The following LIMCH1 variants were observed in gnomAD, a reference collection of about 807,000 sequenced individuals.
LIMCH1 encodes the protein LIM and calponin homology domains-containing protein 1.
Under a neutral mutation model 176.5 loss-of-function variants are expected in LIMCH1, and 113 were observed. The observed-to-expected ratio is 0.64, with a 90% CI of 0.55 to 0.75. LIMCH1 has a LOEUF of 0.75. Among genes scored for constraint, LIMCH1 ranks in the 30% least tolerant of loss-of-function variants. LIMCH1 has a pLI of 0.00. For synonymous variants in LIMCH1, 619 were observed against 645.9 expected (o/e 0.96, Z 0.63); for missense variants, 1,674 against 1,814.9 (o/e 0.92, Z 1.41).
At position 41,627,012 on chromosome 4, in the gene LIMCH1, T is replaced by G. The variant is rs747179864; in HGVS notation, c.1028+2T>G. ...AAAAAGAAGTCTAGAATATAAAAGG[T>G]GTGCATGGTGTGTGTGTGTGTGTGT... is the stretch of plus-strand genomic sequence containing the variant. On this transcript the variant is annotated splice_donor_variant, in intron 8 of 31. Transcript: ENST00000503057. LOFTEE classifies it high-confidence loss of function. 2 of 1,493,230 alleles carry G rather than the reference T, an allele frequency of 1.3e-6. No individual in the cohort carries two copies. Among genetic ancestry groups the G allele is most frequent in the South Asian group, 2.4e-5 (2 of 82,542 alleles). The allele number at this position is 1,493,230 out of a possible 1,614,324, so 92.5% of individuals were successfully genotyped here.
intron 1 of LIMCH1, among the ~76,000 whole-genome samples, chr4:41,426,048 G>A (rs2061056150): frequency 7.4e-6 from 1 of 135,370 alleles, no homozygotes; most frequent in African/African-American, 2.8e-5. Context: ...TTGAGACGGA[G>A]TCTCGCTCTG....
rs534274251 is a variant in LIMCH1 at position 41,630,262 on chromosome 4, G to T, written c.1271+528G>T. Among the ~76,000 whole-genome samples the T allele has an allele frequency of 9.2e-5, 14 of 152,232 alleles. No homozygotes were observed. In the South Asian group the frequency reaches 1.7e-3, roughly 18 times the overall value. The stretch of plus-strand genomic sequence containing the variant: ...ATTACAGGCATGAGCCACCGTGCAA[G>T]CCCCTTGTATCATTTTTTATTTTGA... On this transcript the variant is annotated intron_variant, in intron 9 of 31. Coordinates refer to ENST00000503057, the MANE Select transcript of LIMCH1 (RefSeq NM_001330672.2).
intron 1 of LIMCH1, among the ~76,000 whole-genome samples, chr4:41,429,748 T>C (rs971731805): frequency 1.3e-5 from 2 of 152,212 alleles, no homozygotes; most frequent in African/African-American, 4.8e-5. Flanking sequence ...CAAGTCTCAG[T>C]TGCTTAAAGA....
chr4:41,419,501 C>T (rs932835433), intron 1 of LIMCH1, among the ~76,000 whole-genome samples: 44 of 152,102 alleles, frequency 2.9e-4, no homozygotes, highest in Admixed American at 2.3e-3. Flanking sequence ...TTAATGCCTA[C>T]AATAACCCTT....
chr4:41,648,004 A>G (rs1270836883), intron 17 of LIMCH1, among the ~76,000 whole-genome samples: 1 of 152,156 alleles, frequency 6.6e-6, no homozygotes, highest in Admixed American at 6.5e-5. Flanking sequence ...TTAAATAAAT[A>G]AGTGAATTTT....
chr4:41,460,667 C>T (rs983620811), intron 1 of LIMCH1, among the ~76,000 whole-genome samples: 1 of 152,012 alleles, frequency 6.6e-6, no homozygotes, highest in Non-Finnish European at 1.5e-5. Context: ...GAAAGAGCCA[C>T]CTGCTTTAAT....
At chr4:41,503,801 G>A (rs774770289) in intron 2 of LIMCH1, among the ~76,000 whole-genome samples, 1 of 152,102 alleles carries the variant, frequency 6.6e-6, no homozygotes, top group South Asian at 2.1e-4. Flanking sequence ...TCTACCAGTC[G>A]GTTCCCTCAG....
At chr4:41,630,127 AT>A (rs1051819880) in intron 9 of LIMCH1, among the ~76,000 whole-genome samples, 1 of 151,796 alleles carries the variant, frequency 6.6e-6, no homozygotes. Flanking sequence ...TAATTAATTA[AT>A]TTTTTTAAAT....
chr4:41,685,926 C>A, intron 28 of LIMCH1, 96 bp downstream of exon 28: 2 of 1,326,036 alleles, frequency 1.5e-6, no homozygotes, highest in Non-Finnish European at 2.1e-6. Context: ...GGCAAGAGGA[C>A]AGCAGCATTT....
intron 3 of LIMCH1, among the ~76,000 whole-genome samples, chr4:41,531,537 A>ACTCTCCCAAACCT: frequency 6.8e-6 from 1 of 147,132 alleles, no homozygotes; most frequent in South Asian, 2.2e-4. Flanking sequence ...ATACTTGCCA[A>ACTCTCCCAAACCT]CTCTCCCAAA....
chr4:41,436,880 C>G (rs1188466951), intron 1 of LIMCH1, among the ~76,000 whole-genome samples: 1 of 152,134 alleles, frequency 6.6e-6, no homozygotes, highest in East Asian at 1.9e-4. Context: ...TTTTGCATTT[C>G]CTGTGTGAAA....
intron 1 of LIMCH1, among the ~76,000 whole-genome samples, chr4:41,452,634 G>A (rs184041115): frequency 6.6e-6 from 1 of 152,168 alleles, no homozygotes; most frequent in African/African-American, 2.4e-5. Context: ...TAAGAGGCAG[G>A]GATAGTGCCT....
At position 41,367,558 on chromosome 4, in the gene LIMCH1, C is replaced by T. The variant is rs537785567; in HGVS notation, c.96+6622C>T. Among the ~76,000 whole-genome samples the T allele has an allele frequency of 1.6e-4, 24 of 151,836 alleles. 1 individual carries two copies. In the South Asian group the frequency reaches 3.1e-3, roughly 20 times the overall value. ...CTGCACTTGCTTTTAAAATCAAGGT[C>T]GGCTAGGTGCGGTGGCTCACGCCTG... On this transcript the variant is annotated intron_variant, in intron 1 of 26. Transcript: ENST00000313860.
intron 1 of LIMCH1, chr4:41,453,697 A>C (rs1226338935): frequency 6.6e-6 from 1 of 152,094 alleles, no homozygotes; most frequent in East Asian, 1.9e-4. Flanking sequence ...GTATGTATTG[A>C]TTTTGTGAGA....
At chr4:41,374,735 TTCTC>T (rs1047345412) in intron 1 of LIMCH1, among the ~76,000 whole-genome samples, 4 of 152,106 alleles carry the variant, frequency 2.6e-5, no homozygotes, top group African/African-American at 9.7e-5. Context: ...AGGATCTGGA[TTCTC>T]TCTCTCTTTC....
At chr4:41,596,667 T>C (rs1313765382) in intron 1 of LIMCH1, among the ~76,000 whole-genome samples, 1 of 152,162 alleles carries the variant, frequency 6.6e-6, no homozygotes, top group Non-Finnish European at 1.5e-5. Flanking sequence ...TAGGACAGTG[T>C]CAATCAATGA....
At chr4:41,568,929 A>G (rs188172731) in intron 1 of LIMCH1, among the ~76,000 whole-genome samples, 17 of 152,092 alleles carry the variant, frequency 1.1e-4, no homozygotes, top group African/African-American at 3.9e-4. Flanking sequence ...TTAGTCTGTC[A>G]TTCTCTTGAT....
At position 41,514,759 on chromosome 4, in the gene LIMCH1, G is replaced by A. The variant is rs368811942; in HGVS notation, c.168-9650G>A. On this transcript the variant is annotated intron_variant, in intron 2 of 26. Coordinates refer to the LIMCH1 transcript ENST00000313860. ...TACAAATAGGTGAATAAAACACCAC[G>A]CCTCCCAAGGAGCAGCAGAAATCCT... is the stretch of plus-strand genomic sequence containing the variant. Among the ~76,000 whole-genome samples the A allele has an allele frequency of 2.8e-4, 43 of 152,196 alleles. 1 individual carries two copies. The highest frequency in any genetic ancestry group is 9.9e-4 in the African/African-American group (41 of 41,544).
intron 5 of LIMCH1, among the ~76,000 whole-genome samples, chr4:41,615,212 T>G (rs1166270243): frequency 6.6e-6 from 1 of 152,232 alleles, no homozygotes; most frequent in African/African-American, 2.4e-5. Context: ...ACATATTATT[T>G]TGATTAGTTG....
Sources: gnomAD v4.1 joint callset for allele counts (sites outside exome capture counted in the v4.1 genomes callset) on GRCh38, gnomAD v4.1.1 for gene constraint, MANE v1.5 for transcripts, NCBI Gene and HGNC (gene_info 2026-07-23, HGNC 2026-07-21) for gene names.